Variants in CHML observed in about 807,000 individuals in gnomAD.
CHML encodes CHM like Rab escort protein, also known as rab proteins geranylgeranyltransferase component A 2.
In CHML, 20 loss-of-function variants were observed where a neutral mutation model predicts 30.4. The observed-to-expected ratio is 0.66, with a 90% CI of 0.46 to 0.95. The LOEUF (loss-of-function observed/expected upper bound fraction) is 0.95, where lower values mean the gene tolerates loss of function less well. CHML is among the 40% of genes least tolerant of loss of function. CHML has a pLI of 0.00. For missense variants in CHML, 795 were observed against 768.5 expected (o/e 1.03, Z -0.41); for synonymous variants, 281 against 275.0 (o/e 1.02, Z -0.22).
chr1:241,634,988 T>C lies in CHML; in HGVS notation c.779A>G (p.Lys260Arg). The stretch of plus-strand genomic sequence containing the variant: ...AAATGCAAGAATCCTAGTGACATTT[T>C]TAAATTCTACATAACGACTAACATC... Reference protein sequence around the residue: ...KSDVSRYVEFKNVTRILAFRE... With the variant: ...KSDVSRYVEFRNVTRILAFRE... Residue 260 changes from lysine to arginine, a missense_variant, in exon 2 of 2, where the codon AAA (lysine) becomes AGA (arginine). Lys to Arg is a conservative substitution (Grantham distance 26). Transcript: ENST00000366553. 1 of 1,613,704 alleles carries C rather than the reference T, an allele frequency of 6.2e-7. No homozygotes were observed. The highest frequency in any genetic ancestry group is 8.5e-7 in the Non-Finnish European group (1 of 1,179,854).
chr1:241,638,384 T>C (rs1442030423), intron 1 of CHML, among the ~76,000 whole-genome samples: 1 of 152,130 alleles, frequency 6.6e-6, no homozygotes, highest in Non-Finnish European at 1.5e-5. Context: ...AGTACACCCT[T>C]GTGTTCAAAC....
Position 241,632,368 on chromosome 1 carries a change from G to T in CHML, c.*1428C>A, listed in dbSNP as rs1284749937. 1 of 152,086 alleles carries T rather than the reference G, an allele frequency of 6.6e-6. No individual in the cohort carries two copies. Among genetic ancestry groups the T allele is most frequent in the Non-Finnish European group, 1.5e-5 (1 of 68,006 alleles). The allele number at this position is 152,086 out of a possible 1,614,324, so 9.4% of individuals were successfully genotyped here. On this transcript the variant is annotated 3_prime_UTR_variant, in exon 2 of 2. Coordinates refer to ENST00000366553, the MANE Select transcript of CHML (RefSeq NM_001381853.1). ...GCATGAGAACACACTAATACAGAGG[G>T]TACATGCGAATTTGCCTCACAGGAT... is the stretch of plus-strand genomic sequence containing the variant.
At position 241,633,846 on chromosome 1, in the gene CHML, A is replaced by T. The variant is rs1378871682; in HGVS notation, c.1921T>A (p.Ser641Thr). The change falls in exon 2 of 2, where the codon TCT (serine) becomes ACT (threonine). Residue 641 changes from serine to threonine, a missense_variant. Coordinates refer to ENST00000366553, the MANE Select transcript of CHML (RefSeq NM_001381853.1). ...NNVVMAKLESSEESKNLESPE... is the reference protein window; with the variant it reads ...NNVVMAKLESTEESKNLESPE... ...CTTTCTAGGTTTTTGCTTTCCTCAG[A>T]GGATTCTAGTTTGGCCATTACTACA... 6.2e-7 allele frequency: 1 copy of T among 1,613,862 alleles called. No individual in the cohort carries two copies. Among genetic ancestry groups the T allele is most frequent in the Non-Finnish European group, 8.5e-7 (1 of 1,179,790 alleles).
rs746282024 is a variant in CHML at position 241,635,234 on chromosome 1, T to G, written c.533A>C (p.Lys178Thr). Reference sequence around the variant, plus strand: ...AGTTTTATCTCCACAATACTTTTCCTTCTCCACTGATTCCTCTACATCAGT... The same window carrying G: ...AGTTTTATCTCCACAATACTTTTCCGTCTCCACTGATTCCTCTACATCAGT... ...EVTDVEESVEKEKYCGDKTCM... is the reference protein window; with the variant it reads ...EVTDVEESVETEKYCGDKTCM... Residue 178 changes from lysine to threonine, a missense_variant, in exon 2 of 2, where the codon AAG becomes ACG. Transcript: ENST00000366553. 80 of 1,613,654 alleles carry G rather than the reference T, an allele frequency of 5.0e-5. No individual in the cohort carries two copies. The highest frequency in any genetic ancestry group is 6.5e-5 in the Non-Finnish European group (77 of 1,179,938).
chr1:241,638,730 C>G (rs1431803519), intron 1 of CHML, among the ~76,000 whole-genome samples: 2 of 152,066 alleles, frequency 1.3e-5, no homozygotes, highest in Non-Finnish European at 2.9e-5. Flanking sequence ...CTGAAGCAAT[C>G]AAATAAAATC....
Position 241,633,779 on chromosome 1 carries a change from TTCGAGATTGC to T in CHML, c.*7_*16del, listed in dbSNP as rs750692689. ...CCATGAAGGAGGTCCAAAACAGCAT[TTCGAGATTGC>T]TCTTTTCTAATTTTGAAGGTGCTTC... On this transcript the variant is annotated 3_prime_UTR_variant, in exon 2 of 2. Transcript: ENST00000366553. 5 of 1,612,044 alleles carry T rather than the reference TTCGAGATTGC, an allele frequency of 3.1e-6. No homozygotes were observed. Among genetic ancestry groups the T allele is most frequent in the Non-Finnish European group, 4.2e-6 (5 of 1,179,196 alleles).
chr1:241,632,918 G>C lies in CHML; in HGVS notation c.*878C>G, dbSNP rs151171947. 2 of 152,166 alleles carry C rather than the reference G, an allele frequency of 1.3e-5. No homozygotes were observed. Among genetic ancestry groups the C allele is most frequent in the Admixed American group, 6.5e-5 (1 of 15,280 alleles). The allele number at this position is 152,166 out of a possible 1,614,324, so 9.4% of individuals were successfully genotyped here. A position where few individuals can be genotyped will look rare whatever the true frequency, so the allele number is the denominator to read the frequency against. On this transcript the variant is annotated 3_prime_UTR_variant, in exon 2 of 2. Coordinates refer to ENST00000366553, the MANE Select transcript of CHML (RefSeq NM_001381853.1). ...TAAGAATTCCTCCTTAGGAATTTCA[G>C]AACAGCCCTTCTGAAGTATCTTCTC...
Position 241,634,645 on chromosome 1 carries a change from G to C in CHML, c.1122C>G (p.Pro374=), listed in dbSNP as rs747376587. ...CTTGGCCATACAAGGGAAATAAAAA[G>C]GGGGTGTTGCCAAACCGTCCGAGAC... ...LQCLGRFGNT[P]FLFPLYGQGE... The change falls in exon 2 of 2, where the codon CCC becomes CCG. Residue 374 remains proline (P), a synonymous_variant. Transcript: ENST00000366553. 3 of 1,613,958 alleles carry C rather than the reference G, an allele frequency of 1.9e-6. No homozygotes were observed. Among genetic ancestry groups the C allele is most frequent in the Non-Finnish European group, 2.5e-6 (3 of 1,179,906 alleles).
rs1419530926 is a variant in CHML at position 241,629,072 on chromosome 1, A to G, written c.*4724T>C. ...TTTGCATACAATTTGACATATATCAATATTATTGAATGGCTATATAACATT... is the reference window on the plus strand; with the variant it reads ...TTTGCATACAATTTGACATATATCAGTATTATTGAATGGCTATATAACATT... On this transcript the variant is annotated 3_prime_UTR_variant, in exon 2 of 2. Coordinates refer to ENST00000366553, the MANE Select transcript of CHML (RefSeq NM_001381853.1). 6.6e-6 allele frequency: 1 copy of G among 152,592 alleles called. No individual in the cohort carries two copies. Among genetic ancestry groups the G allele is most frequent in the Non-Finnish European group, 1.5e-5 (1 of 68,016 alleles). The allele number at this position is 152,592 out of a possible 1,614,324, so 9.5% of individuals were successfully genotyped here.
In CHML at chr1:241,634,563, G is replaced by A; in HGVS notation, c.1204C>T (p.Leu402Phe). Reference protein sequence around the residue: ...MCAVFGGIYCLRHKVQCFVVD... With the variant: ...MCAVFGGIYCFRHKVQCFVVD... Reference sequence around the variant, plus strand: ...ACAAAGCATTGTACTTTATGACGAAGACAATAGATTCCACCAAAAACTGCA... The same window carrying A: ...ACAAAGCATTGTACTTTATGACGAAAACAATAGATTCCACCAAAAACTGCA... Residue 402 changes from leucine to phenylalanine, a missense_variant, in exon 2 of 2, where the codon CTT becomes TTT. By Grantham distance (22) the Leu-to-Phe change is conservative. Transcript: ENST00000366553. 1.2e-6 allele frequency: 2 copies of A among 1,613,842 alleles called. No homozygotes were observed. The highest frequency in any genetic ancestry group is 1.7e-6 in the Non-Finnish European group (2 of 1,179,880).
In CHML at chr1:241,635,499, G is replaced by C. The variant is rs920323227; in HGVS notation, c.268C>G (p.Arg90Gly). 6 of 1,613,676 alleles carry C rather than the reference G, an allele frequency of 3.7e-6. No individual in the cohort carries two copies. In the East Asian group the frequency reaches 1.3e-4, roughly 36 times the overall value. ...IHETEEAITL[R>G]KKDETIQHTE... ...TGTTGAATAGTTTCATCCTTCTTGC[G>C]AAGAGTGATGGCTTCTTCTGTTTCA... The change falls in exon 2 of 2, where the codon CGC becomes GGC. Residue 90 changes from arginine (R) to glycine (G), a missense_variant. By Grantham distance (125) the Arg-to-Gly change is moderately radical. Transcript: ENST00000366553.
In CHML at chr1:241,634,027, A is replaced by G; in HGVS notation, c.1740T>C (p.Pro580=). 1 of 1,613,776 alleles carries G rather than the reference A, an allele frequency of 6.2e-7. No homozygotes were observed. Among genetic ancestry groups the G allele is most frequent in the South Asian group, 1.1e-5 (1 of 91,050 alleles). ...CATGCTCATTTCCCAGGCCACAGTC[A>G]GGCCCAGAGCAGACATAAACATTGG... ...LPSNVYVCSG[P]DCGLGNEHAV... Residue 580 remains proline (P), a synonymous_variant, in exon 2 of 2, where the codon CCT becomes CCC. Transcript: ENST00000366553.
In CHML at chr1:241,640,147, G is replaced by A; in HGVS notation, c.-573C>T. ...CCAGGCGCTCGTAGGTGCCGGGGCT[G>A]AAGAGGGGCGCGGGGCTCAGTGTCC... is the stretch of plus-strand genomic sequence containing the variant. On this transcript the variant is annotated 5_prime_UTR_variant, in exon 1 of 2. Transcript: ENST00000366553. 5.1e-6 allele frequency: 8 copies of A among 1,556,304 alleles called. No individual in the cohort carries two copies. The South Asian group carries it at 9.4e-5, about 18-fold the overall frequency.
chr1:241,638,934 G>A (rs1665005414), intron 1 of CHML, among the ~76,000 whole-genome samples: 1 of 152,126 alleles, frequency 6.6e-6, no homozygotes, highest in Non-Finnish European at 1.5e-5. Context: ...GGAACTTTAA[G>A]CCTTGAGAAA....
chr1:241,637,111 G>C (rs1664927731), intron 1 of CHML, among the ~76,000 whole-genome samples: 1 of 152,198 alleles, frequency 6.6e-6, no homozygotes, highest in African/African-American at 2.4e-5. Context: ...TTAGGCTAAA[G>C]CAACAATACT....
rs1664558206 is a variant in CHML at position 241,629,933 on chromosome 1, T to TA, written c.*3862dup. The TA allele has an allele frequency of 6.6e-6, 1 of 152,026 alleles. No individual in the cohort carries two copies. The highest frequency in any genetic ancestry group is 2.1e-4 in the South Asian group (1 of 4,830). 9.4% of individuals were successfully genotyped at this position (152,026 alleles called of 1,614,324 possible). ...AGGCTCCCATTTTTTCCCCCTAAAT[T>TA]AAAAAAACTTACATCTTTGCTTGCT... On this transcript the variant is annotated 3_prime_UTR_variant, in exon 2 of 2. Transcript: ENST00000366553.
At chr1:241,637,726 T>TA (rs950753001) in intron 1 of CHML, among the ~76,000 whole-genome samples, 2 of 151,990 alleles carry the variant, frequency 1.3e-5, no homozygotes, top group African/African-American at 4.8e-5. Context: ...TACCCAATAA[T>TA]AGAGATGAGA....
chr1:241,635,314 G>A lies in CHML; in HGVS notation c.453C>T (p.Asp151=), dbSNP rs148297941. Residue 151 remains aspartate (D), a synonymous_variant, in exon 2 of 2, where the codon GAC becomes GAT. Transcript: ENST00000366553. ...EESQLSYFNS[D]EMPAKHTQKS... ...TCTGAGTGTGTTTTGCAGGCATTTCGTCGCTATTAAAATACGATAACTGGC... is the reference window on the plus strand; with the variant it reads ...TCTGAGTGTGTTTTGCAGGCATTTCATCGCTATTAAAATACGATAACTGGC... 5.2e-5 allele frequency: 84 copies of A among 1,613,830 alleles called. 1 individual carries two copies. The Admixed American group carries it at 5.5e-4, about 11-fold the overall frequency.
Position 241,632,372 on chromosome 1 carries a change from A to T in CHML, c.*1424T>A, listed in dbSNP as rs1302311355. 6.6e-6 allele frequency: 1 copy of T among 152,190 alleles called. No homozygotes were observed. The highest frequency in any genetic ancestry group is 1.9e-4 in the East Asian group (1 of 5,202). 9.4% of individuals were successfully genotyped at this position (152,190 alleles called of 1,614,324 possible). On this transcript the variant is annotated 3_prime_UTR_variant, in exon 2 of 2. Coordinates refer to ENST00000366553, the MANE Select transcript of CHML (RefSeq NM_001381853.1). ...GAGAACACACTAATACAGAGGGTAC[A>T]TGCGAATTTGCCTCACAGGATTGTT... is the stretch of plus-strand genomic sequence containing the variant.
Sources: allele counts gnomAD v4.1 joint callset (sites outside exome capture counted in the v4.1 genomes callset), GRCh38; gene constraint gnomAD v4.1.1; transcripts MANE v1.5; gene names NCBI Gene and HGNC (gene_info 2026-07-23, HGNC 2026-07-21).